Variants in GPC5 observed in about 807,000 individuals in gnomAD.
The protein encoded by GPC5 is glypican 5.
In GPC5, 47 loss-of-function variants were observed where a neutral mutation model predicts 53.9. The observed-to-expected ratio is 0.87, with a 90% confidence interval of 0.69 to 1.11. The LOEUF is 1.11. Among genes scored for constraint, GPC5 ranks in the 50% most tolerant of loss-of-function variants. GPC5 has a pLI of 0.00. For synonymous variants in GPC5, 286 were observed against 263.3 expected, an observed-to-expected ratio of 1.09 and a Z score of -0.84; for missense variants, 748 against 713.1, an observed-to-expected ratio of 1.05 and a Z score of -0.56.
intron 2 of GPC5, among the ~76,000 whole-genome samples, chr13:91,601,935 TGAG>T (rs1245997992): frequency 3.9e-5 from 6 of 152,160 alleles, no homozygotes; most frequent in Non-Finnish European, 8.8e-5. Context: ...CCAAAAAGGT[TGAG>T]GAGTGCTGGG....
intron 7 of GPC5, among the ~76,000 whole-genome samples, chr13:92,475,559 T>C (rs1387192009): frequency 6.6e-6 from 1 of 151,950 alleles, no homozygotes; most frequent in African/African-American, 2.4e-5. Context: ...TTTTGTATCC[T>C]GAGACTTTGC....
intron 7 of GPC5, among the ~76,000 whole-genome samples, chr13:92,460,754 A>C (rs891823425): frequency 2.6e-5 from 4 of 152,188 alleles, no homozygotes; most frequent in African/African-American, 4.8e-5. Context: ...GGCCAGAAGA[A>C]GACTTAATGT....
rs147369546 is a variant in GPC5, at chr13:91,603,246, A to T, written c.326-89941A>T. Among the ~76,000 whole-genome samples, 275 of 152,316 alleles carry T rather than the reference A, an allele frequency of 1.8e-3. 1 individual carries two copies. The highest frequency in any genetic ancestry group is 8.1e-3 in the South Asian group (39 of 4,822). On this transcript the variant is annotated intron_variant, in intron 2 of 7. Transcript: ENST00000377067. ...TGGCAGGAAGAAAGGCTGAATGTGA[A>T]ATTTTAAAGAGCTCTCTCCGTAAAT...
chr13:92,346,590 G>C (rs921745384), intron 7 of GPC5, among the ~76,000 whole-genome samples: 2 of 152,168 alleles, frequency 1.3e-5, no homozygotes, highest in Admixed American at 1.3e-4. Context: ...AAAAAGATCA[G>C]AAGAGGAGGC....
chr13:91,414,822 T>C (rs1308394250), intron 1 of GPC5, among the ~76,000 whole-genome samples: 1 of 152,126 alleles, frequency 6.6e-6, no homozygotes, highest in African/African-American at 2.4e-5. Context: ...AGTATGGCTA[T>C]TTTCCAACTA....
intron 7 of GPC5, among the ~76,000 whole-genome samples, chr13:92,310,625 G>T (rs1594090448): frequency 6.6e-6 from 1 of 152,118 alleles, no homozygotes; most frequent in East Asian, 1.9e-4. Context: ...TACTTTATCT[G>T]CAGACTAGCC....
chr13:92,216,978 CAAAA>C (rs61411051), intron 7 of GPC5, among the ~76,000 whole-genome samples: 5 of 93,652 alleles, frequency 5.3e-5, no homozygotes, highest in Admixed American at 1.1e-4. Context: ...GATCTTGTCT[CAAAA>C]AAAAAAAAAA....
At chr13:92,129,964 C>A (rs1326214098) in intron 6 of GPC5, among the ~76,000 whole-genome samples, 1 of 152,016 alleles carries the variant, frequency 6.6e-6, no homozygotes, top group Non-Finnish European at 1.5e-5. Flanking sequence ...AACCTACTTG[C>A]AAGAAAGTTA....
intron 2 of GPC5, among the ~76,000 whole-genome samples, chr13:91,609,944 G>C (rs1395305957): frequency 3.9e-5 from 6 of 152,144 alleles, no homozygotes; most frequent in Non-Finnish European, 7.3e-5. Context: ...TTCAAAGACA[G>C]GTCCTCCTGC....
intron 6 of GPC5, among the ~76,000 whole-genome samples, chr13:92,012,107 T>G (rs1273824418): frequency 6.6e-6 from 1 of 152,224 alleles, no homozygotes; most frequent in Non-Finnish European, 1.5e-5. Flanking sequence ...GCTCTAATAA[T>G]GTAGACCTGA....
At chr13:92,478,050 G>A (rs1175010057) in intron 7 of GPC5, among the ~76,000 whole-genome samples, 4 of 151,964 alleles carry the variant, frequency 2.6e-5, no homozygotes, top group Non-Finnish European at 4.4e-5. Context: ...TCTCCTTATT[G>A]CCCTGTTTCC....
In GPC5 at chr13:92,603,328, C is replaced by T. The variant is rs138283393; in HGVS notation, c.1562-262954C>T. On this transcript the variant is annotated intron_variant, in intron 7 of 7. Transcript: ENST00000377067. ...TCCATATTCTAAAGCCTAAGAAAAT[C>T]TCTGTCTTCCCAGGAGCAACCTAGT... Among the ~76,000 whole-genome samples, 296 of 152,154 alleles carry T rather than the reference C, an allele frequency of 1.9e-3. 1 individual carries two copies. Among genetic ancestry groups the T allele is most frequent in the Admixed American group, 4.3e-3 (65 of 15,278 alleles).
chr13:91,665,295 G>T (rs1306107265), intron 2 of GPC5, among the ~76,000 whole-genome samples: 1 of 152,120 alleles, frequency 6.6e-6, no homozygotes, highest in Non-Finnish European at 1.5e-5. Flanking sequence ...TTCTTTATGT[G>T]TATCAGATTA....
At chr13:92,753,918 C>T (rs755365492) in intron 7 of GPC5, among the ~76,000 whole-genome samples, 52 of 152,080 alleles carry the variant, frequency 3.4e-4, no homozygotes, top group Admixed American at 1.6e-3. Flanking sequence ...AGGATATTAT[C>T]CAGGAGAACT....
intron 5 of GPC5, among the ~76,000 whole-genome samples, chr13:91,892,834 A>ACTT (rs1225925399): frequency 6.6e-6 from 1 of 151,888 alleles, no homozygotes; most frequent in Non-Finnish European, 1.5e-5. Flanking sequence ...ACACAACAAA[A>ACTT]CTTTAAGATT....
intron 7 of GPC5, among the ~76,000 whole-genome samples, chr13:92,406,392 C>A (rs1358903617): frequency 6.6e-6 from 1 of 152,134 alleles, no homozygotes; most frequent in African/African-American, 2.4e-5. Flanking sequence ...TCTATTTTAA[C>A]CCTTTTTAAA....
At chr13:91,582,401 TAGTC>T (rs2032398592) in intron 2 of GPC5, among the ~76,000 whole-genome samples, 2 of 152,056 alleles carry the variant, frequency 1.3e-5, no homozygotes, top group South Asian at 4.1e-4. Flanking sequence ...AAACAGCTGG[TAGTC>T]AAACAAACAA....
intron 7 of GPC5, among the ~76,000 whole-genome samples, chr13:92,220,867 A>T (rs2042443538): frequency 6.6e-6 from 1 of 152,146 alleles, no homozygotes; most frequent in Admixed American, 6.5e-5. Context: ...CTCTGTTTAC[A>T]TGGGTTTTTG....
intron 1 of GPC5, among the ~76,000 whole-genome samples, chr13:91,418,951 T>A (rs1878420267): frequency 6.6e-6 from 1 of 151,990 alleles, no homozygotes; most frequent in African/African-American, 2.4e-5. Flanking sequence ...ACAGCTGAAA[T>A]CAGTCCTGAA....
Sources: gnomAD v4.1 joint callset for allele counts (sites outside exome capture counted in the v4.1 genomes callset) on GRCh38, gnomAD v4.1.1 for gene constraint, MANE v1.5 for transcripts, NCBI Gene and HGNC (gene_info 2026-07-23, HGNC 2026-07-21) for gene names.